Variants in DYSF observed in about 807,000 individuals in gnomAD.
The protein encoded by DYSF is dystrophy-associated fer-1-like 1.
In DYSF, 212 loss-of-function variants were observed where a neutral mutation model predicts 274.9. The ratio of observed to expected loss-of-function variants is 0.77; its 90% CI spans 0.69 to 0.86. The LOEUF (loss-of-function observed/expected upper bound fraction) is 0.86, where lower values mean the gene tolerates loss of function less well. Ranked by LOEUF, DYSF falls within the 40% of genes least tolerant of loss-of-function variation. The pLI is 0.00. For synonymous variants in DYSF, 1,091 were observed against 1,078.7 expected, an observed-to-expected ratio of 1.01 and a Z score of -0.22; for missense variants, 2,666 against 2,783.2, an observed-to-expected ratio of 0.96 and a Z score of 0.95.
chr2:71,657,766 G>T (rs1416508857), intron 43 of DYSF, among the ~76,000 whole-genome samples: 2 of 152,202 alleles, frequency 1.3e-5, no homozygotes, highest in African/African-American at 4.8e-5. Flanking sequence ...CTGGGACACA[G>T]AGCACCAAGT....
chr2:71,509,734 C>T (rs11678469), intron 4 of DYSF, among the ~76,000 whole-genome samples: 6,107 of 152,114 alleles, frequency 0.04, 170 homozygotes, highest in Middle Eastern at 0.082. Context: ...AAGTTGGCTT[C>T]TGTGTCCTTT....
chr2:71,659,753 T>C (rs570335607), intron 44 of DYSF, among the ~76,000 whole-genome samples: 8 of 151,636 alleles, frequency 5.3e-5, no homozygotes, highest in Admixed American at 5.3e-4. Flanking sequence ...AGGAAAGGAG[T>C]CTGGAGTTAT....
intron 2 of DYSF, among the ~76,000 whole-genome samples, chr2:71,481,435 G>T (rs1478695964): frequency 6.6e-6 from 1 of 152,242 alleles, no homozygotes; most frequent in African/African-American, 2.4e-5. Flanking sequence ...TTGCTCTGAG[G>T]AGGGTCATGG....
At chr2:71,601,294 G>T (rs2093544903) in intron 34 of DYSF, 1 of 687,312 alleles carries the variant, frequency 1.5e-6, no homozygotes, top group African/African-American at 1.8e-5. Flanking sequence ...ACCCGAATAA[G>T]TAGACTGAAT....
At chr2:71,617,620 TAGAGGTGATGTGTGTGGC>T (rs2093917059) in intron 40 of DYSF, among the ~76,000 whole-genome samples, 1 of 100,426 alleles carries the variant, frequency 1.0e-5, no homozygotes. Context: ...GTATGTGGGG[TAGAGGTGATGTGTGTGGC>T]AGAGGTGGTG....
chr2:71,482,849 C>T (rs193301515), intron 3 of DYSF, among the ~76,000 whole-genome samples: 3 of 152,216 alleles, frequency 2.0e-5, no homozygotes, highest in Non-Finnish European at 2.9e-5. Flanking sequence ...GTGCCATTTA[C>T]GGAGGTCTAG....
chr2:71,658,102 C>T (rs749168942), intron 43 of DYSF, among the ~76,000 whole-genome samples: 2 of 152,216 alleles, frequency 1.3e-5, no homozygotes, highest in Non-Finnish European at 2.9e-5. Flanking sequence ...GAATGCTTTG[C>T]TGCTTAGAAA....
At chr2:71,527,345 T>G (rs2088051324) in intron 13 of DYSF, among the ~76,000 whole-genome samples, 1 of 152,212 alleles carries the variant, frequency 6.6e-6, no homozygotes, top group Admixed American at 6.5e-5. Flanking sequence ...TTTGAGAGTT[T>G]CTGCTTCGGC....
At chr2:71,486,611 T>A (rs1010254487) in intron 3 of DYSF, among the ~76,000 whole-genome samples, 1 of 152,154 alleles carries the variant, frequency 6.6e-6, no homozygotes, top group African/African-American at 2.4e-5. Context: ...AATCCTTTCA[T>A]GCCTCAGGAA....
chr2:71,496,432 G>A (rs2152705287), intron 3 of DYSF, among the ~76,000 whole-genome samples: 1 of 152,284 alleles, frequency 6.6e-6, no homozygotes. Flanking sequence ...CGCCTTTATT[G>A]TGGTTTCCAA....
At chr2:71,584,105 A>T (rs1198638970) in intron 30 of DYSF, among the ~76,000 whole-genome samples, 1 of 150,960 alleles carries the variant, frequency 6.6e-6, no homozygotes, top group Non-Finnish European at 1.5e-5. Context: ...GGCATGAGCT[A>T]TCAAGGCAGG....
chr2:71,673,428 G>A (rs1311471535), intron 51 of DYSF, among the ~76,000 whole-genome samples: 1 of 152,226 alleles, frequency 6.6e-6, no homozygotes, highest in Non-Finnish European at 1.5e-5. Flanking sequence ...TCTCCTTTCA[G>A]CAGGAGACGG....
chr2:71,513,188 C>T, intron 5 of DYSF, 52 bp from the exon 6 acceptor site: 2 of 1,524,304 alleles, frequency 1.3e-6, no homozygotes, highest in Non-Finnish European at 1.8e-6. Context: ...TGGTTTCCTT[C>T]ACCCCAACCT....
intron 13 of DYSF, 72 bp downstream of exon 13, chr2:71,526,418 T>TGGGGTGGTGGGGGGG: frequency 3.8e-6 from 1 of 261,504 alleles, no homozygotes; most frequent in Non-Finnish European, 7.0e-6. Flanking sequence ...GGGTGGGCGA[T>TGGGGTGGTGGGGGGG]GGCGGGCGGG....
intron 4 of DYSF, among the ~76,000 whole-genome samples, chr2:71,508,119 A>T (rs1039597728): frequency 1.3e-5 from 2 of 152,188 alleles, no homozygotes; most frequent in Non-Finnish European, 2.9e-5. Context: ...GCTATTCCTA[A>T]AAAGAAGCAG....
At chr2:71,603,688 C>T (rs907848261) in intron 36 of DYSF, among the ~76,000 whole-genome samples, 8 of 152,128 alleles carry the variant, frequency 5.3e-5, no homozygotes, top group South Asian at 2.1e-4. Context: ...GCCTGACAGG[C>T]GGCCTCCTGC....
intron 42 of DYSF, among the ~76,000 whole-genome samples, chr2:71,653,418 C>T (rs1000738909): frequency 6.6e-6 from 1 of 151,884 alleles, no homozygotes; most frequent in African/African-American, 2.4e-5. Flanking sequence ...CCCAAATGTC[C>T]AACAATGATA....
chr2:71,457,240 T>C (rs2081106059), intron 1 of DYSF, among the ~76,000 whole-genome samples: 1 of 152,216 alleles, frequency 6.6e-6, no homozygotes, highest in African/African-American at 2.4e-5. Context: ...TCCTTATATG[T>C]AGACATATAC....
At chr2:71,564,812 T>C (rs1559169663) in intron 24 of DYSF, among the ~76,000 whole-genome samples, 1 of 152,366 alleles carries the variant, frequency 6.6e-6, no homozygotes, top group East Asian at 1.9e-4. Context: ...CTCTTCCTCC[T>C]TTCCAGGAGG....
Sources: gnomAD v4.1 joint callset for allele counts (sites outside exome capture counted in the v4.1 genomes callset) on GRCh38, gnomAD v4.1.1 for gene constraint, MANE v1.5 for transcripts, NCBI Gene and HGNC (gene_info 2026-07-23, HGNC 2026-07-21) for gene names.